Variants in SLC6A17 observed in about 807,000 individuals in gnomAD.
The protein encoded by SLC6A17 is solute carrier family 6 member 17.
In SLC6A17, 21 loss-of-function variants were observed where a neutral mutation model predicts 64.5. The ratio of observed to expected loss-of-function variants is 0.33; its 90% CI spans 0.23 to 0.47. The LOEUF (loss-of-function observed/expected upper bound fraction) is 0.47. Among genes scored for constraint, SLC6A17 ranks in the 20% least tolerant of loss-of-function variants. The pLI is 1.00. For synonymous variants in SLC6A17, 372 were observed against 399.5 expected (o/e 0.93, Z 0.82); for missense variants, 682 against 963.2 (o/e 0.71, Z 3.86).
In SLC6A17 at chr1:110,198,319, C is replaced by T; in HGVS notation, c.2059C>T (p.Pro687Ser). The change falls in exon 12 of 12, where the codon CCC (proline) becomes TCC (serine). Residue 687 changes from proline to serine, a missense_variant. Around this residue, in one of 3 missense-constraint regions of SLC6A17, gnomAD observed 264 missense variants for 339.5 expected, o/e 0.78. Transcript: ENST00000331565. ...LSKVPSEAPS[P>S]MPTHRSYLGP... is the part of the protein sequence containing the mutation. The stretch of plus-strand genomic sequence containing the variant: ...CAAGGTGCCCAGTGAGGCACCTTCC[C>T]CCATGCCCACTCACCGTTCCTATCT... 6.2e-7 allele frequency: 1 copy of T among 1,614,188 alleles called. No homozygotes were observed. Among genetic ancestry groups the T allele is most frequent in the Non-Finnish European group, 8.5e-7 (1 of 1,180,030 alleles).
chr1:110,184,639 G>C (rs1656630312), intron 6 of SLC6A17, among the ~76,000 whole-genome samples: 1 of 152,202 alleles, frequency 6.6e-6, no homozygotes, highest in African/African-American at 2.4e-5. Context: ...CTGGGACTCT[G>C]TGGGTTCCCA....
chr1:110,154,626 C>T (rs1033487031), intron 1 of SLC6A17, among the ~76,000 whole-genome samples: 2 of 152,214 alleles, frequency 1.3e-5, no homozygotes, highest in Admixed American at 6.5e-5. Context: ...TCTTCCTGAC[C>T]TCTACTGCCC....
chr1:110,170,763 A>G (rs965156557), intron 2 of SLC6A17, among the ~76,000 whole-genome samples: 2 of 151,560 alleles, frequency 1.3e-5, no homozygotes, highest in African/African-American at 4.9e-5. Flanking sequence ...TGCCTCCCCG[A>G]TGGGCTTTCC....
At chr1:110,154,509 A>G (rs944497244) in intron 1 of SLC6A17, among the ~76,000 whole-genome samples, 7 of 152,218 alleles carry the variant, frequency 4.6e-5, no homozygotes, top group Non-Finnish European at 1.0e-4. Context: ...AAACATAACC[A>G]AACGTCCAAG....
intron 8 of SLC6A17, among the ~76,000 whole-genome samples, chr1:110,193,979 A>G (rs1043398787): frequency 1.3e-5 from 2 of 152,238 alleles, no homozygotes; most frequent in Non-Finnish European, 2.9e-5. Context: ...ACCCACAAGC[A>G]TGGCCCAAGC....
In SLC6A17 at chr1:110,198,234, C is replaced by T. The variant is rs1219769512; in HGVS notation, c.1974C>T (p.Gly658=). 6.2e-7 allele frequency: 1 copy of T among 1,614,194 alleles called. No individual in the cohort carries two copies. The highest frequency in any genetic ancestry group is 8.5e-7 in the Non-Finnish European group (1 of 1,180,018). ...SNTLSVSYKK[G]RMMKDISNLE... is the part of the protein sequence containing the mutation. Reference sequence around the variant, plus strand: ...CCCTCTCCGTGTCCTACAAGAAGGGCCGCATGATGAAGGACATCTCCAACC... The same window carrying T: ...CCCTCTCCGTGTCCTACAAGAAGGGTCGCATGATGAAGGACATCTCCAACC... The change falls in exon 12 of 12, where the codon GGC becomes GGT. Residue 658 remains glycine, a synonymous_variant. Transcript: ENST00000331565.
chr1:110,186,942 G>C (rs1344726826), intron 6 of SLC6A17, among the ~76,000 whole-genome samples: 1 of 152,168 alleles, frequency 6.6e-6, no homozygotes, highest in Non-Finnish European at 1.5e-5. Context: ...GGGAATTTCA[G>C]GAAAAAATTA....
rs1354418395 is a variant in SLC6A17, at chr1:110,176,634, G to A, written c.759G>A (p.Met253Ile). ...GTTCCCTGTCCTCTCTGCAGGTGAT[G>A]TATTTCAGCTCCCTCTTCCCCTACG... ...VKGIQSSGKVMYFSSLFPYVV... is the reference protein window; with the variant it reads ...VKGIQSSGKVIYFSSLFPYVV... The change falls in exon 6 of 12, where the codon ATG (methionine) becomes ATA (isoleucine). Residue 253 changes from methionine to isoleucine, a missense_variant. Physicochemically the swap from Met to Ile is conservative, Grantham distance 10. Around this residue, in one of 3 missense-constraint regions of SLC6A17, gnomAD observed 415 missense variants for 603.8 expected, o/e 0.69. Coordinates refer to ENST00000331565, the MANE Select transcript of SLC6A17 (RefSeq NM_001010898.4). 3 of 1,614,074 alleles carry A rather than the reference G, an allele frequency of 1.9e-6. No individual in the cohort carries two copies. The highest frequency in any genetic ancestry group is 8.5e-7 in the Non-Finnish European group (1 of 1,179,956).
chr1:110,197,651 G>T (rs2603581), intron 11 of SLC6A17, 52 bp downstream of exon 11: 714,015 of 1,519,024 alleles, frequency 0.47, 173,604 homozygotes, highest in Non-Finnish European at 0.5. Flanking sequence ...CTCAGGCCTT[G>T]AATGCAACCA....
Position 110,201,084 on chromosome 1 carries a change from C to T in SLC6A17, c.*2640C>T, listed in dbSNP as rs1418209298. The T allele has an allele frequency of 6.6e-6, 1 of 152,164 alleles. No individual in the cohort carries two copies. Among genetic ancestry groups the T allele is most frequent in the Non-Finnish European group, 1.5e-5 (1 of 68,034 alleles). The allele number at this position is 152,164 out of a possible 1,614,324, so 9.4% of individuals were successfully genotyped here. ...ATCCTCAAATTTATTTACCAGTCAG[C>T]TTCTTGCTGTTCCCAGTAGAATCGC... On this transcript the variant is annotated 3_prime_UTR_variant, in exon 12 of 12. Transcript: ENST00000331565.
In SLC6A17 at chr1:110,174,689, A is replaced by C. The variant is rs371300290; in HGVS notation, c.572-90A>C. On this transcript the variant is annotated intron_variant, in intron 4 of 11. Transcript: ENST00000331565. ...GCTGCCCACCCTCAGCAGCTCCCTC[A>C]CCCACTGCTGCCCTGAGTGGTGGTC... The C allele has an allele frequency of 3.1e-5, 46 of 1,492,058 alleles. No individual in the cohort carries two copies. In the East Asian group the frequency reaches 3.2e-4, roughly 10 times the overall value. 92.4% of individuals were successfully genotyped at this position (1,492,058 alleles called of 1,614,324 possible).
At chr1:110,158,214 G>T (rs1302477437) in intron 1 of SLC6A17, among the ~76,000 whole-genome samples, 2 of 152,164 alleles carry the variant, frequency 1.3e-5, no homozygotes, top group Non-Finnish European at 2.9e-5. Flanking sequence ...AGAAGTAAAG[G>T]AAAAGAAGGA....
At chr1:110,170,842 CTG>C (rs1656203681) in intron 2 of SLC6A17, among the ~76,000 whole-genome samples, 1 of 148,534 alleles carries the variant, frequency 6.7e-6, no homozygotes, top group Non-Finnish European at 1.5e-5. Flanking sequence ...TGTGACTAGT[CTG>C]TGGTGTGTGT....
chr1:110,154,604 T>C (rs1218798179), intron 1 of SLC6A17, among the ~76,000 whole-genome samples: 1 of 152,212 alleles, frequency 6.6e-6, no homozygotes, highest in African/African-American at 2.4e-5. Context: ...TCTTGTCCTT[T>C]CCCTGCCCTT....
At chr1:110,184,371 C>T (rs527281518) in intron 6 of SLC6A17, among the ~76,000 whole-genome samples, 1 of 152,326 alleles carries the variant, frequency 6.6e-6, no homozygotes, top group South Asian at 2.1e-4. Flanking sequence ...TCCCAAAGTG[C>T]TGGGATTATA....
At chr1:110,165,553 C>T (rs945417547) in intron 1 of SLC6A17, among the ~76,000 whole-genome samples, 8 of 152,266 alleles carry the variant, frequency 5.3e-5, no homozygotes, top group South Asian at 4.1e-4. Flanking sequence ...ACCTGGCCTA[C>T]GGAGGGCTAG....
At position 110,179,497 on chromosome 1, in the gene SLC6A17, CT is replaced by C. The variant is rs1481746655; in HGVS notation, c.864+2761del. On this transcript the variant is annotated intron_variant, in intron 6 of 11. Coordinates refer to ENST00000331565, the MANE Select transcript of SLC6A17 (RefSeq NM_001010898.4). Reference sequence around the variant, plus strand: ...ACACTTTGAGCAGTAGGGGGTGCTTCTTTCCTTCCTTCTTCCTTTCCCTTCC... The same window carrying C: ...ACACTTTGAGCAGTAGGGGGTGCTTCTTCCTTCCTTCTTCCTTTCCCTTCC... Among the ~76,000 whole-genome samples the C allele has an allele frequency of 2.0e-5, 3 of 151,406 alleles. 1 individual carries two copies. Among genetic ancestry groups the C allele is most frequent in the African/African-American group, 7.3e-5 (3 of 41,152 alleles).
chr1:110,187,818 C>T (rs867538671), intron 6 of SLC6A17, among the ~76,000 whole-genome samples: 11 of 152,222 alleles, frequency 7.2e-5, no homozygotes, highest in Non-Finnish European at 1.5e-4. Flanking sequence ...AATTATTTTT[C>T]AAAAACTCAC....
In SLC6A17 at chr1:110,183,162, TATACAC is replaced by T. The variant is rs146063229; in HGVS notation, c.864+6425_864+6430del. On this transcript the variant is annotated intron_variant, in intron 6 of 11. Transcript: ENST00000331565. The stretch of plus-strand genomic sequence containing the variant: ...CTGAAAGCATGTTCACACAAAAACT[TATACAC>T]AAATGTTCATAGCAGCATTGTGTAT... 4.7e-3 allele frequency among the ~76,000 whole-genome samples: 717 copies of T among 152,326 alleles called. 7 individuals carry two copies. The highest frequency in any genetic ancestry group is 0.015 in the African/African-American group (639 of 41,572).
Sources: gnomAD v4.1 joint callset for allele counts (sites outside exome capture counted in the v4.1 genomes callset) on GRCh38, gnomAD v4.1.1 for gene constraint, gnomAD v4.1.1 regional missense constraint, MANE v1.5 for transcripts, NCBI Gene and HGNC (gene_info 2026-07-23, HGNC 2026-07-21) for gene names.